Variants in KLF12 observed in about 807,000 individuals in gnomAD.
The protein encoded by KLF12 is Krueppel-like factor 12.
A neutral mutation model predicts 37.8 loss-of-function variants in KLF12; 9 were observed. That is an observed-to-expected ratio of 0.24 (90% CI 0.14 to 0.42). The LOEUF (loss-of-function observed/expected upper bound fraction) is 0.42, where lower values mean the gene tolerates loss of function less well. KLF12 is among the 10% of genes least tolerant of loss of function. The pLI is 1.00. For missense variants in KLF12, 411 were observed against 516.0 expected (o/e 0.80, Z 1.97); for synonymous variants, 208 against 202.1 (o/e 1.03, Z -0.25).
the KLF12 span, among the ~76,000 whole-genome samples, chr13:74,149,695 C>T: frequency 6.6e-6 from 1 of 152,132 alleles, no homozygotes; most frequent in East Asian, 1.9e-4. Context: ...TGCTCAACAC[C>T]CTCACAATGT....
At chr13:73,717,455 T>A (rs919147733) in intron 6 of KLF12, among the ~76,000 whole-genome samples, 2 of 152,238 alleles carry the variant, frequency 1.3e-5, no homozygotes, top group Non-Finnish European at 2.9e-5. Flanking sequence ...CTACTTGTAA[T>A]TTGCACTTTC....
chr13:74,059,340 G>A (rs1873440365), intron 1 of KLF12, among the ~76,000 whole-genome samples: 1 of 152,200 alleles, frequency 6.6e-6, no homozygotes, highest in South Asian at 2.1e-4. Context: ...TCTATTTTTA[G>A]TTTCTTGAGA....
intron 6 of KLF12, among the ~76,000 whole-genome samples, chr13:73,733,934 C>A (rs1877254553): frequency 6.6e-6 from 1 of 152,168 alleles, no homozygotes; most frequent in African/African-American, 2.4e-5. Context: ...TCCTATTTCA[C>A]TTAGAACAAA....
At chr13:74,216,773 T>C in the KLF12 span, among the ~76,000 whole-genome samples, 1 of 152,118 alleles carries the variant, frequency 6.6e-6, no homozygotes, top group East Asian at 1.9e-4. Context: ...TCACCCTAAT[T>C]AACATCCTCT....
intron 6 of KLF12, among the ~76,000 whole-genome samples, chr13:73,733,400 A>T (rs191541780): frequency 6.6e-6 from 1 of 152,290 alleles, no homozygotes; most frequent in East Asian, 1.9e-4. Flanking sequence ...GTAGAATCAT[A>T]CAATATTCGT....
chr13:74,296,039 G>A, the KLF12 span, among the ~76,000 whole-genome samples: 2 of 151,594 alleles, frequency 1.3e-5, no homozygotes, highest in African/African-American at 4.8e-5. Flanking sequence ...TCTAGGTCTG[G>A]AACTCCTGAG....
intron 1 of KLF12, among the ~76,000 whole-genome samples, chr13:73,997,266 G>A (rs533455268): frequency 6.6e-6 from 1 of 152,204 alleles, no homozygotes; most frequent in Non-Finnish European, 1.5e-5. Flanking sequence ...TTCCGGCTGT[G>A]TGAACTTAAG....
the KLF12 span, among the ~76,000 whole-genome samples, chr13:74,274,212 T>G: frequency 6.6e-6 from 1 of 152,154 alleles, no homozygotes; most frequent in Admixed American, 6.5e-5. Flanking sequence ...TTAAGCCCAC[T>G]ACTTCCTCTC....
intron 4 of KLF12, among the ~76,000 whole-genome samples, chr13:73,831,028 A>ACACACACACACACG (rs34914331): frequency 4.7e-5 from 7 of 148,128 alleles, no homozygotes; most frequent in Admixed American, 1.3e-4. Flanking sequence ...ACACACACGC[A>ACACACACACACACG]TACTTATTTT....
At chr13:74,175,892 A>G in the KLF12 span, among the ~76,000 whole-genome samples, 1 of 152,134 alleles carries the variant, frequency 6.6e-6, no homozygotes, top group Non-Finnish European at 1.5e-5. Context: ...ATCCTTGCCA[A>G]AAAGGAACTC....
the KLF12 span, among the ~76,000 whole-genome samples, chr13:74,187,028 G>A: frequency 7.9e-5 from 12 of 152,176 alleles, no homozygotes; most frequent in African/African-American, 9.6e-5. Context: ...CACATAGAAG[G>A]TGCAACAAAT....
At chr13:73,729,572 T>C (rs555768970) in intron 6 of KLF12, among the ~76,000 whole-genome samples, 2 of 152,336 alleles carry the variant, frequency 1.3e-5, no homozygotes, top group Admixed American at 1.3e-4. Flanking sequence ...TCTCTACTCC[T>C]CTTCCTACAT....
the KLF12 span, among the ~76,000 whole-genome samples, chr13:74,170,606 T>A: frequency 6.6e-6 from 1 of 152,242 alleles, no homozygotes; most frequent in East Asian, 1.9e-4. Context: ...GTAGTTAGCA[T>A]GCTTTCTCTC....
At chr13:73,724,791 A>G (rs1399428722) in intron 6 of KLF12, among the ~76,000 whole-genome samples, 1 of 152,204 alleles carries the variant, frequency 6.6e-6, no homozygotes, top group Admixed American at 6.5e-5. Flanking sequence ...CACACAGCTA[A>G]ACAGGGGCAG....
At chr13:74,266,038 C>T in the KLF12 span, among the ~76,000 whole-genome samples, 1 of 152,148 alleles carries the variant, frequency 6.6e-6, no homozygotes, top group South Asian at 2.1e-4. Flanking sequence ...TTAGGCGGTG[C>T]CTCCAAGTGC....
Position 73,846,388 on chromosome 13 carries a change from A to G in KLF12, c.124-15T>C. The G allele has an allele frequency of 6.3e-7, 1 of 1,595,440 alleles. No individual in the cohort carries two copies. ...ACGTTTGGAGACTGTGGGGAGAAAA[A>G]TGGAACATATATTTATCTTTGTTTA... On this transcript the variant is annotated splice_polypyrimidine_tract_variant and intron_variant, in intron 3 of 7. Transcript: ENST00000377669.
Position 74,071,520 on chromosome 13 carries a change from AC to A in KLF12, c.-32+62218del, listed in dbSNP as rs1239992094. On this transcript the variant is annotated intron_variant, in intron 1 of 7. Coordinates refer to ENST00000377669, the MANE Select transcript of KLF12 (RefSeq NM_007249.5). Reference sequence around the variant, plus strand: ...GCTAACACAGTGAAACCCCGTCTCTACTAAAAAAAAAAATACAAAAAAATTA... The same window carrying A: ...GCTAACACAGTGAAACCCCGTCTCTATAAAAAAAAAAATACAAAAAAATTA... Among the ~76,000 whole-genome samples, 6 of 27,624 alleles carry A rather than the reference AC, an allele frequency of 2.2e-4. No individual in the cohort carries two copies. The South Asian group carries it at 0.016, about 74-fold the overall frequency. The allele number at this position is 27,624 out of a possible 152,430, so 18.1% of individuals were successfully genotyped here.
At chr13:74,252,487 A>G in the KLF12 span, among the ~76,000 whole-genome samples, 1 of 152,328 alleles carries the variant, frequency 6.6e-6, no homozygotes, top group East Asian at 1.9e-4. Flanking sequence ...AACTGCCTCT[A>G]CAACCTTCAG....
At chr13:74,133,233 C>G (rs1878358781) in intron 1 of KLF12, among the ~76,000 whole-genome samples, 1 of 152,088 alleles carries the variant, frequency 6.6e-6, no homozygotes, top group African/African-American at 2.4e-5. Context: ...CTCTCTCCAG[C>G]GCGCACACAC....
Sources: gnomAD v4.1 joint callset for allele counts (sites outside exome capture counted in the v4.1 genomes callset) on GRCh38, gnomAD v4.1.1 for gene constraint, MANE v1.5 for transcripts, NCBI Gene and HGNC (gene_info 2026-07-23, HGNC 2026-07-21) for gene names.